The following SPAG16 variants were observed in gnomAD, a reference collection of about 807,000 sequenced individuals.
SPAG16 encodes the protein sperm associated antigen 16.
In SPAG16, 86 loss-of-function variants were observed where a neutral mutation model predicts 80.4. The observed-to-expected ratio is 1.07, with a 90% CI of 0.90 to 1.28. The LOEUF is 1.28. SPAG16 is among the 50% of genes most tolerant of loss of function. The pLI, the probability that SPAG16 is intolerant of heterozygous loss-of-function variation, is 0.00. For missense variants in SPAG16, 870 were observed against 765.3 expected (o/e 1.14, Z -1.61); for synonymous variants, 294 against 265.9 (o/e 1.11, Z -1.03).
At chr2:213,477,537 A>G (rs1445763474) in intron 9 of SPAG16, among the ~76,000 whole-genome samples, 1 of 152,170 alleles carries the variant, frequency 6.6e-6, no homozygotes, top group Non-Finnish European at 1.5e-5. Context: ...GAGACAAAGG[A>G]GATGATTTTG....
intron 12 of SPAG16, among the ~76,000 whole-genome samples, chr2:213,972,991 C>G (rs934435563): frequency 1.3e-5 from 2 of 151,888 alleles, no homozygotes; most frequent in African/African-American, 4.8e-5. Flanking sequence ...CAAAACAAAA[C>G]AAAACAAAAA....
intron 12 of SPAG16, among the ~76,000 whole-genome samples, chr2:214,008,744 C>CAAA (rs555712697): frequency 3.4e-5 from 4 of 117,058 alleles, no homozygotes; most frequent in African/African-American, 1.1e-4. Flanking sequence ...GACTCCATCT[C>CAAA]AAAAAAAAAA....
intron 11 of SPAG16, among the ~76,000 whole-genome samples, chr2:213,869,524 A>G (rs2075866478): frequency 1.3e-5 from 2 of 151,620 alleles, no homozygotes; most frequent in Admixed American, 1.3e-4. Flanking sequence ...GCCTCTGTTA[A>G]GTAATAATAT....
chr2:214,397,158 CTTT>C (rs66580402), intron 15 of SPAG16, among the ~76,000 whole-genome samples: 1 of 129,954 alleles, frequency 7.7e-6, no homozygotes, highest in Admixed American at 8.3e-5. Context: ...TTTTAATTTT[CTTT>C]TTTTTTTTTT....
chr2:213,670,934 GTCTT>G (rs2063792176), intron 10 of SPAG16, among the ~76,000 whole-genome samples: 1 of 152,334 alleles, frequency 6.6e-6, no homozygotes, highest in African/African-American at 2.4e-5. Context: ...GGTCAGACTT[GTCTT>G]TCTAATTATT....
chr2:213,550,299 AT>A (rs2076742805), intron 10 of SPAG16, among the ~76,000 whole-genome samples: 1 of 151,832 alleles, frequency 6.6e-6, no homozygotes, highest in African/African-American at 2.4e-5. Flanking sequence ...GGTTATTTAT[AT>A]TCAAAGTCCT....
intron 15 of SPAG16, among the ~76,000 whole-genome samples, chr2:214,287,798 T>C (rs942718768): frequency 1.3e-5 from 2 of 152,208 alleles, no homozygotes; most frequent in African/African-American, 4.8e-5. Context: ...AGTGTTTTAT[T>C]GAAACAAAAT....
Position 213,871,867 on chromosome 2 carries a change from CACACACACACACAGAGAGAGAG to C in SPAG16, c.1214+9241_1214+9262del, listed in dbSNP as rs781772119. Among the ~76,000 whole-genome samples, 158 of 48,680 alleles carry C rather than the reference CACACACACACACAGAGAGAGAG, an allele frequency of 3.2e-3. 1 individual carries two copies. In the South Asian group the frequency reaches 0.08, roughly 25 times the overall value. The allele number at this position is 48,680 out of a possible 152,430, so 31.9% of individuals were successfully genotyped here. A position where few individuals can be genotyped will look rare whatever the true frequency, so the allele number is the denominator to read the frequency against. On this transcript the variant is annotated intron_variant, in intron 11 of 15. Coordinates refer to ENST00000331683, the MANE Select transcript of SPAG16 (RefSeq NM_024532.5). ...ACACACACACACACACACACACACA[CACACACACACACAGAGAGAGAG>C]AGAGAGAGAGCAAACAGCAGTAAAA...
intron 12 of SPAG16, among the ~76,000 whole-genome samples, chr2:213,972,609 A>G (rs1040256949): frequency 1.3e-5 from 2 of 152,190 alleles, no homozygotes; most frequent in African/African-American, 4.8e-5. Context: ...CAGTTCAAAC[A>G]CTACTCTCTT....
At chr2:213,840,610 A>C (rs2074315749) in intron 10 of SPAG16, among the ~76,000 whole-genome samples, 1 of 152,218 alleles carries the variant, frequency 6.6e-6, no homozygotes. Context: ...TCAACAGTTC[A>C]AATCTGGAGG....
intron 10 of SPAG16, among the ~76,000 whole-genome samples, chr2:213,832,901 C>T (rs1163075080): frequency 1.3e-5 from 2 of 151,946 alleles, no homozygotes; most frequent in African/African-American, 2.4e-5. Flanking sequence ...AAGTGATAGG[C>T]GAGGAAAGGT....
intron 15 of SPAG16, among the ~76,000 whole-genome samples, chr2:214,298,928 G>T (rs973705486): frequency 2.0e-5 from 3 of 152,104 alleles, no homozygotes; most frequent in African/African-American, 4.8e-5. Flanking sequence ...GCCTAGTCAG[G>T]GGTATAGTAT....
intron 12 of SPAG16, among the ~76,000 whole-genome samples, chr2:213,984,949 T>C (rs185770572): frequency 1.3e-5 from 2 of 152,260 alleles, no homozygotes; most frequent in African/African-American, 4.8e-5. Flanking sequence ...AGAGAAAACT[T>C]CCCTGACTAC....
At chr2:213,874,802 T>C (rs187294802) in intron 11 of SPAG16, among the ~76,000 whole-genome samples, 48 of 152,208 alleles carry the variant, frequency 3.2e-4, no homozygotes, top group Admixed American at 9.2e-4. Flanking sequence ...GTGGGGACTA[T>C]GAAGCTACAG....
Position 213,982,240 on chromosome 2 carries a change from G to A in SPAG16, c.1401-31711G>A, listed in dbSNP as rs114134115. Among the ~76,000 whole-genome samples the A allele has an allele frequency of 5.9e-3, 901 of 152,128 alleles. 11 individuals are homozygous for A. The highest frequency in any genetic ancestry group is 0.02 in the African/African-American group (818 of 41,544). On this transcript the variant is annotated intron_variant, in intron 12 of 15. Coordinates refer to ENST00000331683, the MANE Select transcript of SPAG16 (RefSeq NM_024532.5). ...TAATTTCAACAATGGAGGCTCCCATGTGCCCATGTATTTGGATACATTTGT... is the reference window on the plus strand; with the variant it reads ...TAATTTCAACAATGGAGGCTCCCATATGCCCATGTATTTGGATACATTTGT...
intron 10 of SPAG16, among the ~76,000 whole-genome samples, chr2:213,729,772 G>C (rs2066942429): frequency 6.6e-6 from 1 of 152,170 alleles, no homozygotes; most frequent in Admixed American, 6.5e-5. Context: ...AAAGACATTT[G>C]TTTAGTAAAC....
chr2:213,772,932 G>T (rs543715265), intron 10 of SPAG16, among the ~76,000 whole-genome samples: 3 of 151,170 alleles, frequency 2.0e-5, no homozygotes, highest in African/African-American at 4.9e-5. Context: ...TCATTAAATT[G>T]GTCCCTAATA....
At chr2:214,318,686 A>T (rs990414920) in intron 15 of SPAG16, among the ~76,000 whole-genome samples, 2 of 151,888 alleles carry the variant, frequency 1.3e-5, no homozygotes, top group African/African-American at 4.8e-5. Context: ...CAGAGAGTGG[A>T]CTCTTTAACA....
intron 12 of SPAG16, among the ~76,000 whole-genome samples, chr2:213,989,756 C>G (rs1408685359): frequency 6.6e-6 from 1 of 152,048 alleles, no homozygotes; most frequent in Admixed American, 6.6e-5. Context: ...CGATGTCAGA[C>G]ATTTTCATTT....
Sources: allele counts gnomAD v4.1 joint callset (sites outside exome capture counted in the v4.1 genomes callset), GRCh38; gene constraint gnomAD v4.1.1; transcripts MANE v1.5; gene names NCBI Gene and HGNC (gene_info 2026-07-23, HGNC 2026-07-21).